CPNE8: variants seen among roughly 807,000 people sequenced by gnomAD.
CPNE8 encodes the protein copine 8.
CPNE8 carries 45 observed loss-of-function variants against 81.5 expected under a neutral mutation model. The ratio of observed to expected loss-of-function variants is 0.55; its 90% CI spans 0.44 to 0.71. The LOEUF is 0.71. Among genes scored for constraint, CPNE8 ranks in the 30% least tolerant of loss-of-function variants. CPNE8 has a pLI of 0.00. For synonymous variants in CPNE8, 252 were observed against 226.3 expected (o/e 1.11, Z -1.02); for missense variants, 594 against 672.1 (o/e 0.88, Z 1.28).
intron 5 of CPNE8, among the ~76,000 whole-genome samples, chr12:38,833,604 G>A (rs972939436): frequency 4.7e-5 from 7 of 149,730 alleles, no homozygotes; most frequent in Non-Finnish European, 7.4e-5. Flanking sequence ...TCAGCCTCCC[G>A]AGTAGCTGGG....
At chr12:38,767,589 G>A (rs778674376) in intron 8 of CPNE8, 46 bp downstream of exon 8, 8 of 1,067,586 alleles carry the variant, frequency 7.5e-6, no homozygotes, top group South Asian at 3.6e-5. Context: ...TATAATTCAA[G>A]TATCATCATT....
At chr12:38,745,689 T>C (rs1941210540) in intron 10 of CPNE8, among the ~76,000 whole-genome samples, 1 of 152,008 alleles carries the variant, frequency 6.6e-6, no homozygotes, top group African/African-American at 2.4e-5. Context: ...ACCACAGGGG[T>C]GCACCACCAT....
At chr12:38,734,128 C>T (rs1325935744) in intron 10 of CPNE8, among the ~76,000 whole-genome samples, 2 of 151,928 alleles carry the variant, frequency 1.3e-5, no homozygotes, top group Non-Finnish European at 2.9e-5. Flanking sequence ...CTCTCTTCAC[C>T]TATGTTTTGA....
intron 17 of CPNE8, among the ~76,000 whole-genome samples, chr12:38,676,565 A>G (rs935662793): frequency 2.0e-5 from 3 of 151,234 alleles, no homozygotes; most frequent in Non-Finnish European, 2.9e-5. Flanking sequence ...TAAATGAGTG[A>G]ATACAAATGA....
chr12:38,768,769 C>A (rs1207656626), intron 7 of CPNE8, among the ~76,000 whole-genome samples: 1 of 152,094 alleles, frequency 6.6e-6, no homozygotes, highest in Non-Finnish European at 1.5e-5. Flanking sequence ...CCTCGTGATC[C>A]GCCTGCCTCA....
intron 10 of CPNE8, among the ~76,000 whole-genome samples, chr12:38,756,376 AG>A (rs1941460318): frequency 2.1e-5 from 3 of 143,520 alleles, no homozygotes; most frequent in African/African-American, 5.2e-5. Flanking sequence ...TTTTTTAGAC[AG>A]GGGTCTCACT....
At chr12:38,830,040 T>C (rs1187950220) in intron 5 of CPNE8, among the ~76,000 whole-genome samples, 1 of 152,206 alleles carries the variant, frequency 6.6e-6, no homozygotes, top group East Asian at 1.9e-4. Flanking sequence ...AATTAGTTAT[T>C]GCATGAGTTA....
intron 6 of CPNE8, among the ~76,000 whole-genome samples, chr12:38,777,342 T>C (rs1259354186): frequency 1.3e-5 from 2 of 152,210 alleles, no homozygotes; most frequent in African/African-American, 4.8e-5. Flanking sequence ...AATATTTTTG[T>C]ACAGCTGTGC....
chr12:38,884,554 C>G (rs1944211736), intron 1 of CPNE8, among the ~76,000 whole-genome samples: 1 of 152,158 alleles, frequency 6.6e-6, no homozygotes, highest in Admixed American at 6.5e-5. Flanking sequence ...ACATACCTAA[C>G]AGAATTGCTG....
chr12:38,730,875 A>C (rs1245575253), intron 10 of CPNE8, among the ~76,000 whole-genome samples: 1 of 152,006 alleles, frequency 6.6e-6, no homozygotes, highest in East Asian at 1.9e-4. Flanking sequence ...ATAGTTAATA[A>C]ATATTTTATC....
chr12:38,734,546 C>T (rs1053114569), intron 10 of CPNE8, among the ~76,000 whole-genome samples: 4 of 151,970 alleles, frequency 2.6e-5, no homozygotes, highest in African/African-American at 9.7e-5. Flanking sequence ...TCTAGTTTTG[C>T]ATATAATATG....
In CPNE8 at chr12:38,653,317, G is replaced by A. The variant is rs1413613580; in HGVS notation, c.*565C>T. ...AGTTTCTTAAGACAATCCAGTTACTGAAAAATAGAAAAGCATTTTTCCCTT... is the reference window on the plus strand; with the variant it reads ...AGTTTCTTAAGACAATCCAGTTACTAAAAAATAGAAAAGCATTTTTCCCTT... On this transcript the variant is annotated 3_prime_UTR_variant, in exon 20 of 20. Coordinates refer to ENST00000331366, the MANE Select transcript of CPNE8 (RefSeq NM_153634.3). 1.3e-5 allele frequency: 2 copies of A among 152,536 alleles called. No individual in the cohort carries two copies. The highest frequency in any genetic ancestry group is 4.8e-5 in the African/African-American group (2 of 41,448). The allele number at this position is 152,536 out of a possible 1,614,324, so 9.4% of individuals were successfully genotyped here.
At chr12:38,730,789 A>G (rs983768208) in intron 10 of CPNE8, among the ~76,000 whole-genome samples, 17 of 151,752 alleles carry the variant, frequency 1.1e-4, no homozygotes, top group Admixed American at 6.6e-4. Context: ...TCCTATGGCC[A>G]GAGTGTAATA....
intron 10 of CPNE8, among the ~76,000 whole-genome samples, chr12:38,759,260 T>C (rs185930429): frequency 1.3e-5 from 2 of 152,282 alleles, no homozygotes; most frequent in Non-Finnish European, 2.9e-5. Flanking sequence ...GGGTTAAAAA[T>C]TACTAGGGAA....
intron 5 of CPNE8, among the ~76,000 whole-genome samples, chr12:38,833,049 G>T (rs1322797255): frequency 7.1e-6 from 1 of 140,618 alleles, no homozygotes; most frequent in Non-Finnish European, 1.6e-5. Context: ...ACAACTGTTG[G>T]TTTTTAAGAT....
intron 15 of CPNE8, among the ~76,000 whole-genome samples, chr12:38,689,332 AG>A (rs1939615704): frequency 1.3e-5 from 2 of 152,166 alleles, no homozygotes; most frequent in African/African-American, 4.8e-5. Context: ...TAGCTCCCTC[AG>A]GGATTGTGCT....
intron 6 of CPNE8, among the ~76,000 whole-genome samples, chr12:38,798,432 T>C (rs1273139291): frequency 6.6e-6 from 1 of 152,050 alleles, no homozygotes. Flanking sequence ...ACCCAGAATT[T>C]CATATCCAGC....
intron 6 of CPNE8, among the ~76,000 whole-genome samples, chr12:38,799,391 C>T (rs1377744369): frequency 1.3e-5 from 2 of 152,130 alleles, no homozygotes; most frequent in African/African-American, 4.8e-5. Context: ...GATTAAGAAA[C>T]TCACTCTAAA....
intron 6 of CPNE8, among the ~76,000 whole-genome samples, chr12:38,812,114 G>A (rs1942948211): frequency 6.6e-6 from 1 of 152,148 alleles, no homozygotes; most frequent in African/African-American, 2.4e-5. Context: ...CAATAATCAT[G>A]GTCTGGCAGA....
Sources: allele counts gnomAD v4.1 joint callset (sites outside exome capture counted in the v4.1 genomes callset), GRCh38; gene constraint gnomAD v4.1.1; transcripts MANE v1.5; gene names NCBI Gene and HGNC (gene_info 2026-07-23, HGNC 2026-07-21).